The following ARHGEF7 variants were observed in gnomAD, a reference collection of about 807,000 sequenced individuals.
ARHGEF7 encodes PAK-interacting exchange factor beta.
ARHGEF7 carries 33 observed loss-of-function variants against 109.8 expected under a neutral mutation model. The observed-to-expected ratio is 0.30, with a 90% CI of 0.23 to 0.40. ARHGEF7 has a LOEUF of 0.40. ARHGEF7 is among the 10% of genes least tolerant of loss of function. The probability of loss-of-function intolerance (pLI) is 1.00; values close to 1 mark genes in which losing one functional copy is unlikely to be tolerated. For synonymous variants in ARHGEF7, 458 were observed against 424.6 expected (o/e 1.08, Z -0.97); for missense variants, 938 against 1,098.5 (o/e 0.85, Z 2.07).
At position 111,266,024 on chromosome 13, in the gene ARHGEF7, G is replaced by A. The variant is rs142351439; in HGVS notation, c.951-1524G>A. Among the ~76,000 whole-genome samples, 111 of 152,272 alleles carry A rather than the reference G, an allele frequency of 7.3e-4. 1 individual carries two copies. The East Asian group carries it at 0.014, about 19-fold the overall frequency. On this transcript the variant is annotated intron_variant, in intron 8 of 21. Coordinates refer to ENST00000646102, the MANE Select transcript of ARHGEF7 (RefSeq NM_001354046.2). This position sits in a 1 kb window ranked among gnomAD's most constrained non-coding sequence, Gnocchi z 4.8. ...TTGTAGGCCTGGACCTTAGACCCAG[G>A]CTCCAGCCACCTTTGTGTTGGATGC...
At chr13:111,173,907 G>A (rs771896596) in intron 2 of ARHGEF7, among the ~76,000 whole-genome samples, 5 of 152,118 alleles carry the variant, frequency 3.3e-5, no homozygotes, top group African/African-American at 9.7e-5. Context: ...GGTGGTGTTT[G>A]CATTGCACTG....
At chr13:111,133,087 C>T (rs746822870) in intron 1 of ARHGEF7, among the ~76,000 whole-genome samples, 9 of 151,870 alleles carry the variant, frequency 5.9e-5, no homozygotes, top group Non-Finnish European at 1.2e-4. Flanking sequence ...TATACACATG[C>T]ATATATACAC....
At chr13:111,264,077 G>A (rs1382248380) in intron 8 of ARHGEF7, among the ~76,000 whole-genome samples, 1 of 152,076 alleles carries the variant, frequency 6.6e-6, no homozygotes, top group Non-Finnish European at 1.5e-5. Context: ...GCTGTTCACA[G>A]TTGGAAATGG....
In ARHGEF7 at chr13:111,228,078, A is replaced by T; in HGVS notation, c.671-5127A>T. ...TCCCAGAAGTTATGAAGCACATCTGAGGTGTCCTGCACGGCACATGAGGTA... is the reference window on the plus strand; with the variant it reads ...TCCCAGAAGTTATGAAGCACATCTGTGGTGTCCTGCACGGCACATGAGGTA... On this transcript the variant is annotated intron_variant, in intron 5 of 21. Transcript: ENST00000646102. This position sits in a 1 kb window ranked among gnomAD's most constrained non-coding sequence, Gnocchi z 4.6. 6.6e-6 allele frequency among the ~76,000 whole-genome samples: 1 copy of T among 152,190 alleles called. No individual in the cohort carries two copies. The highest frequency in any genetic ancestry group is 6.5e-5 in the Admixed American group (1 of 15,282).
Position 111,255,533 on chromosome 13 carries a change from C to G in ARHGEF7, c.950+11239C>G, listed in dbSNP as rs1321146426. Among the ~76,000 whole-genome samples, 1 of 152,226 alleles carries G rather than the reference C, an allele frequency of 6.6e-6. No homozygotes were observed. Among genetic ancestry groups the G allele is most frequent in the Non-Finnish European group, 1.5e-5 (1 of 68,046 alleles). ...AAATGCTCGGGGCCCTACTTGGCGTCTGGAGCTGAGTTCTCCTGCAGCCTC... is the reference window on the plus strand; with the variant it reads ...AAATGCTCGGGGCCCTACTTGGCGTGTGGAGCTGAGTTCTCCTGCAGCCTC... On this transcript the variant is annotated intron_variant, in intron 8 of 21. Coordinates refer to ENST00000646102, the MANE Select transcript of ARHGEF7 (RefSeq NM_001354046.2). The surrounding 1 kb of genome is among the most constrained non-coding windows in gnomAD (Gnocchi z 4.1).
intron 19 of ARHGEF7, 55 bp from the exon 20 acceptor site, chr13:111,300,693 T>G (rs2093544991): frequency 1.6e-6 from 2 of 1,236,528 alleles, no homozygotes; most frequent in Non-Finnish European, 2.3e-6. Flanking sequence ...TTGTTTTTCT[T>G]CATTCTGCCA....
At chr13:111,196,306 A>G (rs577722820) in intron 2 of ARHGEF7, among the ~76,000 whole-genome samples, 3 of 152,352 alleles carry the variant, frequency 2.0e-5, no homozygotes, top group Non-Finnish European at 2.9e-5. Flanking sequence ...GCTGACCGGT[A>G]GGGAATTTGT....
chr13:111,295,984 G>T (rs1253284784), intron 19 of ARHGEF7, among the ~76,000 whole-genome samples: 1 of 152,216 alleles, frequency 6.6e-6, no homozygotes, highest in Non-Finnish European at 1.5e-5. Context: ...ACACAAGCAT[G>T]CATGCACACC....
chr13:111,169,465 A>C (rs1275878161), intron 2 of ARHGEF7, among the ~76,000 whole-genome samples: 1 of 152,126 alleles, frequency 6.6e-6, no homozygotes, highest in Non-Finnish European at 1.5e-5. Flanking sequence ...GGTGCCACAC[A>C]CCTTGAAACA....
chr13:111,154,098 C>A, intron 2 of ARHGEF7, 107 bp downstream of exon 2: 1 of 1,124,980 alleles, frequency 8.9e-7, no homozygotes, highest in Non-Finnish European at 1.2e-6. Flanking sequence ...GCGCCCGGAT[C>A]CGACCCTCCC....
chr13:111,156,455 C>G (rs1164367935), intron 2 of ARHGEF7, among the ~76,000 whole-genome samples: 1 of 152,226 alleles, frequency 6.6e-6, no homozygotes, highest in African/African-American at 2.4e-5. Context: ...GTGAGTCACA[C>G]TTGTAATTAC....
At chr13:111,225,025 A>G (rs889789628) in intron 5 of ARHGEF7, among the ~76,000 whole-genome samples, 1 of 152,140 alleles carries the variant, frequency 6.6e-6, no homozygotes, top group African/African-American at 2.4e-5. Flanking sequence ...ATTATGTACA[A>G]AGGGGTCTTG....
intron 2 of ARHGEF7, among the ~76,000 whole-genome samples, chr13:111,197,385 C>T (rs146459213): frequency 7.9e-5 from 12 of 152,232 alleles, no homozygotes; most frequent in East Asian, 3.9e-4. Context: ...GACGCATTCT[C>T]GTAAAACCTG....
chr13:111,150,184 C>A (rs2075821266), intron 1 of ARHGEF7, among the ~76,000 whole-genome samples: 1 of 152,224 alleles, frequency 6.6e-6, no homozygotes. Flanking sequence ...AATCTTTAAG[C>A]ATCTCAGAAT....
intron 19 of ARHGEF7, chr13:111,293,769 T>C: frequency 1.0e-6 from 1 of 985,444 alleles, no homozygotes; most frequent in South Asian, 4.7e-5. Flanking sequence ...GATTTCTTTC[T>C]TCCCCACTGC....
At chr13:111,236,651 A>T (rs1437995640) in intron 6 of ARHGEF7, among the ~76,000 whole-genome samples, 1 of 152,182 alleles carries the variant, frequency 6.6e-6, no homozygotes, top group East Asian at 1.9e-4. Flanking sequence ...TCAGCCAAAG[A>T]TTCACCAAAG....
intron 6 of ARHGEF7, among the ~76,000 whole-genome samples, chr13:111,235,981 C>G (rs950935543): frequency 6.6e-6 from 1 of 152,028 alleles, no homozygotes; most frequent in Non-Finnish European, 1.5e-5. Flanking sequence ...GTATTCCATG[C>G]GAAAGTACCA....
chr13:111,151,926 C>A (rs1034299048), intron 1 of ARHGEF7, among the ~76,000 whole-genome samples: 1 of 151,858 alleles, frequency 6.6e-6, no homozygotes, highest in African/African-American at 2.4e-5. Context: ...CAGCTGGGAA[C>A]GTGTACATAA....
In ARHGEF7 at chr13:111,153,959, C is replaced by T. The variant is rs767264271; in HGVS notation, c.220C>T (p.Leu74=). Residue 74 remains leucine, a synonymous_variant, in exon 2 of 22, where the codon CTG becomes TTG. Coordinates refer to ENST00000646102, the MANE Select transcript of ARHGEF7 (RefSeq NM_001354046.2). ...SECLSNIREF[L]RGCGASLRLE... ...GTGCCTGAGCAACATCCGCGAGTTC[C>T]TGCGCGGCTGCGGGGCTTCCCTGCG... The T allele has an allele frequency of 1.2e-6, 2 of 1,604,394 alleles. No individual in the cohort carries two copies. Among genetic ancestry groups the T allele is most frequent in the South Asian group, 1.1e-5 (1 of 90,318 alleles).
Sources: gnomAD v4.1 joint callset for allele counts (sites outside exome capture counted in the v4.1 genomes callset) on GRCh38, gnomAD v4.1.1 for gene constraint, Gnocchi (gnomAD v3.1) non-coding constraint, MANE v1.5 for transcripts, NCBI Gene and HGNC (gene_info 2026-07-23, HGNC 2026-07-21) for gene names.